KCNC2: variants seen among roughly 807,000 people sequenced by gnomAD.
The protein encoded by KCNC2 is potassium voltage-gated channel subfamily C member 2.
Under a neutral mutation model 44.5 loss-of-function variants are expected in KCNC2, and 21 were observed. The observed-to-expected ratio is 0.47, with a 90% CI of 0.33 to 0.68. The LOEUF (loss-of-function observed/expected upper bound fraction) is 0.68, where lower values mean the gene tolerates loss of function less well. KCNC2 is among the 30% of genes least tolerant of loss of function. The pLI, the probability that KCNC2 is intolerant of heterozygous loss-of-function variation, is 0.01. For missense variants in KCNC2, 589 were observed against 826.2 expected, an observed-to-expected ratio of 0.71 and a Z score of 3.52; for synonymous variants, 391 against 339.1, an observed-to-expected ratio of 1.15 and a Z score of -1.68.
chr12:75,086,660 CAAAAAA>C (rs751242858), intron 2 of KCNC2, among the ~76,000 whole-genome samples: 325 of 116,960 alleles, frequency 2.8e-3, no homozygotes, highest in Non-Finnish European at 4.2e-3. Flanking sequence ...GTTCATTTGG[CAAAAAA>C]AAAAAAAAAA....
At chr12:75,043,308 T>C (rs977066770) in intron 4 of KCNC2, 67 bp from the exon 5 acceptor site, 2 of 1,560,774 alleles carry the variant, frequency 1.3e-6, no homozygotes, top group Admixed American at 3.9e-5. Flanking sequence ...AATAATACCA[T>C]GCAGGGCAAT....
chr12:75,178,283 A>G (rs984070892), intron 2 of KCNC2, among the ~76,000 whole-genome samples: 3 of 152,066 alleles, frequency 2.0e-5, no homozygotes, highest in African/African-American at 7.2e-5. Flanking sequence ...GCATAGATTT[A>G]CTAGCTGTCA....
Position 75,080,605 on chromosome 12 carries a change from A to G in KCNC2, c.688-29288T>C, listed in dbSNP as rs930534419. 3.3e-5 allele frequency among the ~76,000 whole-genome samples: 5 copies of G among 152,128 alleles called. No homozygotes were observed. In the East Asian group the frequency reaches 9.6e-4, roughly 29 times the overall value. On this transcript the variant is annotated intron_variant, in intron 2 of 4. Transcript: ENST00000549446. ...GCTGAAGTGGGCTGGAATTGTACCA[A>G]ATGACAAGTAGCAGACCTATTTTCA...
chr12:75,089,667 G>C (rs1163415405), intron 2 of KCNC2, among the ~76,000 whole-genome samples: 1 of 151,762 alleles, frequency 6.6e-6, no homozygotes, highest in Non-Finnish European at 1.5e-5. Context: ...GACTTTGATG[G>C]AATTATTGCA....
rs1018362055 is a variant in KCNC2 at position 75,193,852 on chromosome 12, G to A, written c.687+13445C>T. ...TATATTCACCCAACTCTCTTTCAGA[G>A]TAAAAGATATCTGAAGAGATTCAAT... On this transcript the variant is annotated intron_variant, in intron 2 of 4. Coordinates refer to ENST00000549446, the MANE Select transcript of KCNC2 (RefSeq NM_139137.4). 6.6e-5 allele frequency among the ~76,000 whole-genome samples: 10 copies of A among 152,072 alleles called. No individual in the cohort carries two copies. In the East Asian group the frequency reaches 1.5e-3, roughly 24 times the overall value.
At chr12:75,134,346 T>C (rs970542381) in intron 2 of KCNC2, among the ~76,000 whole-genome samples, 1 of 152,016 alleles carries the variant, frequency 6.6e-6, no homozygotes, top group Non-Finnish European at 1.5e-5. Flanking sequence ...ACTCATACTG[T>C]AAAAGCACAT....
chr12:75,130,858 C>A (rs1303590403), intron 2 of KCNC2, among the ~76,000 whole-genome samples: 1 of 151,756 alleles, frequency 6.6e-6, no homozygotes, highest in African/African-American at 2.4e-5. Flanking sequence ...CAGATTTAGT[C>A]TACCCTGTAA....
chr12:75,091,875 G>A (rs546781480), intron 2 of KCNC2, among the ~76,000 whole-genome samples: 1 of 151,784 alleles, frequency 6.6e-6, no homozygotes, highest in African/African-American at 2.4e-5. Context: ...TTGGATGTAA[G>A]TTGGAACTTA....
intron 2 of KCNC2, among the ~76,000 whole-genome samples, chr12:75,091,067 T>C (rs1418392278): frequency 6.6e-6 from 1 of 151,710 alleles, no homozygotes; most frequent in Non-Finnish European, 1.5e-5. Flanking sequence ...ATATGATTTC[T>C]GATTTTAGTG....
intron 2 of KCNC2, among the ~76,000 whole-genome samples, chr12:75,102,633 A>C (rs1257134714): frequency 6.6e-6 from 1 of 152,098 alleles, no homozygotes; most frequent in African/African-American, 2.4e-5. Flanking sequence ...ATGTAAACAC[A>C]CACATATTTC....
intron 2 of KCNC2, among the ~76,000 whole-genome samples, chr12:75,195,595 C>T (rs1397739446): frequency 6.6e-6 from 1 of 152,054 alleles, no homozygotes; most frequent in Non-Finnish European, 1.5e-5. Context: ...ACTGTGTCCA[C>T]TTTACCATTT....
At chr12:75,103,021 C>T (rs761623219) in intron 2 of KCNC2, among the ~76,000 whole-genome samples, 41 of 151,984 alleles carry the variant, frequency 2.7e-4, no homozygotes, top group Admixed American at 1.2e-3. Context: ...CAAATGGGTG[C>T]AAGCATGACA....
Position 75,042,917 on chromosome 12 carries a change from C to A in KCNC2, c.*188G>T, listed in dbSNP as rs1024901731. ...GGATCTTAGCACTACTTTAGACAAT[C>A]TTTAAAGCCTGGGTAAGATTCATTA... On this transcript the variant is annotated 3_prime_UTR_variant, in exon 5 of 5. Transcript: ENST00000549446. 4.2e-5 allele frequency: 58 copies of A among 1,394,706 alleles called. 1 individual carries two copies. In the Admixed American group the frequency reaches 1.8e-3, roughly 42 times the overall value. The allele number at this position is 1,394,706 out of a possible 1,614,324, so 86.4% of individuals were successfully genotyped here.
intron 2 of KCNC2, among the ~76,000 whole-genome samples, chr12:75,081,408 ATTT>A (rs34651267): frequency 0.018 from 2,301 of 130,446 alleles, 39 homozygotes; most frequent in African/African-American, 0.055. Flanking sequence ...TTAAACATTC[ATTT>A]TTTTTTTTTT....
At chr12:75,109,089 G>C (rs1268368525) in intron 2 of KCNC2, among the ~76,000 whole-genome samples, 1 of 152,110 alleles carries the variant, frequency 6.6e-6, no homozygotes, top group East Asian at 1.9e-4. Context: ...CTAAGTCTCA[G>C]TTTCCTCACT....
In KCNC2 at chr12:75,051,970, G is replaced by T. The variant is rs928447160; in HGVS notation, c.688-653C>A. 2.0e-5 allele frequency among the ~76,000 whole-genome samples: 3 copies of T among 152,026 alleles called. No individual in the cohort carries two copies. In the East Asian group the frequency reaches 5.8e-4, roughly 29 times the overall value. On this transcript the variant is annotated intron_variant, in intron 2 of 4. Transcript: ENST00000549446. The stretch of plus-strand genomic sequence containing the variant: ...AACCCAGTAAAGGAGCAATTTAAAT[G>T]AAAATGTCTTCCTCTCTTGAAAATG...
At chr12:75,191,011 A>T (rs561379059) in intron 2 of KCNC2, among the ~76,000 whole-genome samples, 1 of 152,150 alleles carries the variant, frequency 6.6e-6, no homozygotes, top group South Asian at 2.1e-4. Context: ...AACTATACCT[A>T]TGATTAATGT....
At chr12:75,134,591 AAAG>A (rs1056665667) in intron 2 of KCNC2, among the ~76,000 whole-genome samples, 1 of 151,942 alleles carries the variant, frequency 6.6e-6, no homozygotes, top group East Asian at 1.9e-4. Flanking sequence ...CCAAAAAAAA[AAAG>A]AAGTTATTAT....
intron 2 of KCNC2, among the ~76,000 whole-genome samples, chr12:75,072,830 T>G (rs146330405): frequency 1.2e-3 from 179 of 152,298 alleles, no homozygotes; most frequent in African/African-American, 4.2e-3. Flanking sequence ...GCCTTCGATC[T>G]GACATGATTT....
Sources: gnomAD v4.1 joint callset for allele counts (sites outside exome capture counted in the v4.1 genomes callset) on GRCh38, gnomAD v4.1.1 for gene constraint, MANE v1.5 for transcripts, NCBI Gene and HGNC (gene_info 2026-07-23, HGNC 2026-07-21) for gene names.